RBFOX1: variants seen among roughly 807,000 people sequenced by gnomAD.
RBFOX1 encodes the protein RNA binding fox-1 homolog 1.
A neutral mutation model predicts 57.7 loss-of-function variants in RBFOX1; 8 were observed. The observed-to-expected ratio is 0.14, with a 90% CI of 0.08 to 0.25. The LOEUF (loss-of-function observed/expected upper bound fraction) is 0.25. RBFOX1 is among the 10% of genes least tolerant of loss of function. The probability of loss-of-function intolerance (pLI) is 1.00; values close to 1 mark genes in which losing one functional copy is unlikely to be tolerated. For missense variants in RBFOX1, 611 were observed against 548.5 expected (o/e 1.11, Z -1.14); for synonymous variants, 326 against 222.4 (o/e 1.47, Z -4.15).
At chr16:6,173,708 C>G (rs113927146) in intron 1 of RBFOX1, among the ~76,000 whole-genome samples, 5,332 of 141,010 alleles carry the variant, frequency 0.038, 136 homozygotes, top group Admixed American at 0.086. Flanking sequence ...CTCTCGGGTT[C>G]AAGTGATTCT....
At chr16:7,060,135 C>A (rs1447493688) in intron 4 of RBFOX1, among the ~76,000 whole-genome samples, 1 of 152,098 alleles carries the variant, frequency 6.6e-6, no homozygotes, top group African/African-American at 2.4e-5. Flanking sequence ...CTGAAAAAAG[C>A]CAGATTGTGA....
At chr16:7,510,452 G>C in intron 4 of RBFOX1, 2 of 684,526 alleles carry the variant, frequency 2.9e-6, no homozygotes, top group Non-Finnish European at 3.6e-6. Context: ...AAGGAGAGGA[G>C]TTTTGGTGAA....
At chr16:7,021,634 T>C (rs2039143170) in intron 3 of RBFOX1, among the ~76,000 whole-genome samples, 1 of 147,610 alleles carries the variant, frequency 6.8e-6, no homozygotes, top group Admixed American at 6.8e-5. Context: ...ATAAATTATA[T>C]AAAAATTTTA....
intron 3 of RBFOX1, among the ~76,000 whole-genome samples, chr16:7,015,670 T>C (rs536316384): frequency 2.8e-4 from 43 of 152,326 alleles, no homozygotes; most frequent in Admixed American, 1.0e-3. Flanking sequence ...ACAAGAAGTA[T>C]TTGAAATTTT....
At chr16:7,221,850 G>A (rs1603342284) in intron 4 of RBFOX1, among the ~76,000 whole-genome samples, 1 of 152,170 alleles carries the variant, frequency 6.6e-6, no homozygotes, top group African/African-American at 2.4e-5. Context: ...TTCCCTCCTT[G>A]GAGGAGTTCC....
intron 2 of RBFOX1, among the ~76,000 whole-genome samples, chr16:6,392,528 C>G (rs1390229104): frequency 6.6e-6 from 1 of 152,116 alleles, no homozygotes; most frequent in Non-Finnish European, 1.5e-5. Context: ...AAAGTTAAAG[C>G]TAAATGTCAT....
At chr16:7,532,132 C>CA (rs1239344569) in intron 5 of RBFOX1, among the ~76,000 whole-genome samples, 1 of 95,240 alleles carries the variant, frequency 1.0e-5, no homozygotes, top group East Asian at 2.4e-4. Context: ...AACTAGCTAC[C>CA]TTTTTTTTTT....
intron 4 of RBFOX1, among the ~76,000 whole-genome samples, chr16:7,508,644 A>G (rs917216280): frequency 5.3e-5 from 8 of 152,180 alleles, no homozygotes; most frequent in African/African-American, 1.4e-4. Context: ...CACAAATACT[A>G]TGTATCCAGA....
At chr16:6,133,885 C>A (rs926446717) in intron 1 of RBFOX1, among the ~76,000 whole-genome samples, 6 of 152,076 alleles carry the variant, frequency 3.9e-5, no homozygotes, top group African/African-American at 1.2e-4. Context: ...ACTGTTTAGA[C>A]CCCAGCTCAA....
At chr16:6,128,598 T>C (rs573858700) in intron 1 of RBFOX1, among the ~76,000 whole-genome samples, 1 of 152,326 alleles carries the variant, frequency 6.6e-6, no homozygotes, top group African/African-American at 2.4e-5. Flanking sequence ...AGTAGAGTTC[T>C]GGGATTCTGA....
chr16:5,405,434 G>C (rs576748372), intron 1 of RBFOX1, among the ~76,000 whole-genome samples: 4 of 152,192 alleles, frequency 2.6e-5, no homozygotes, highest in African/African-American at 4.8e-5. Context: ...TGCCATGTAA[G>C]ATGTGCCTTT....
chr16:7,012,781 A>G (rs1020102342), intron 3 of RBFOX1, among the ~76,000 whole-genome samples: 4 of 152,168 alleles, frequency 2.6e-5, no homozygotes, highest in African/African-American at 9.6e-5. Context: ...TCAAGTTTTG[A>G]CCCATTTTAA....
intron 3 of RBFOX1, among the ~76,000 whole-genome samples, chr16:6,891,465 T>TAGAGAGAG (rs746798605): frequency 1.1e-4 from 17 of 148,452 alleles, no homozygotes; most frequent in African/African-American, 4.2e-4. Context: ...ACACACACAC[T>TAGAGAGAG]AGAGAGAGAG....
chr16:5,483,551 C>T (rs1597248590), intron 2 of RBFOX1, among the ~76,000 whole-genome samples: 1 of 152,188 alleles, frequency 6.6e-6, no homozygotes, highest in African/African-American at 2.4e-5. Context: ...TCTATCCCAG[C>T]CACCGTAGCT....
rs189677784 is a variant in RBFOX1, at chr16:6,027,885, G to C, written c.-127+7893G>C. On this transcript the variant is annotated intron_variant, in intron 1 of 15. Transcript: ENST00000550418. ...CGGTTGAGATCGTTGACAGACTTGA[G>C]GCCCTGTGTGGAGTTCCGCCTGCAG... 1.4e-4 allele frequency among the ~76,000 whole-genome samples: 22 copies of C among 152,302 alleles called. No individual in the cohort carries two copies. In the East Asian group the frequency reaches 4.3e-3, roughly 29 times the overall value.
chr16:7,205,091 T>C (rs1318281982), intron 4 of RBFOX1, among the ~76,000 whole-genome samples: 2 of 152,138 alleles, frequency 1.3e-5, no homozygotes, highest in Admixed American at 6.5e-5. Context: ...AATATTTACT[T>C]CCCCTTTTAT....
intron 3 of RBFOX1, among the ~76,000 whole-genome samples, chr16:6,978,132 C>T (rs917126961): frequency 6.6e-6 from 1 of 151,838 alleles, no homozygotes; most frequent in Non-Finnish European, 1.5e-5. Flanking sequence ...AACACAACAG[C>T]CGGGCATGAT....
At chr16:7,579,737 G>A (rs777203719) in intron 5 of RBFOX1, 40 bp from the exon 6 acceptor site, 2 of 1,613,170 alleles carry the variant, frequency 1.2e-6, no homozygotes, top group East Asian at 2.2e-5. Flanking sequence ...GAGCACTGTG[G>A]TCCACTGAGA....
At position 5,348,235 on chromosome 16, in the gene RBFOX1, C is replaced by T. The variant is rs977295391; in HGVS notation, c.219+108130C>T. ...CCATGCATCCACTCATCTACCCACC[C>T]ATCTGTTGAATCCCATCCATCCTGT... is the stretch of plus-strand genomic sequence containing the variant. On this transcript the variant is annotated intron_variant, in intron 1 of 2. Coordinates refer to the RBFOX1 transcript ENST00000585867. 2.0e-5 allele frequency among the ~76,000 whole-genome samples: 3 copies of T among 152,136 alleles called. No homozygotes were observed. The South Asian group carries it at 6.2e-4, about 32-fold the overall frequency.
Sources: allele counts gnomAD v4.1 joint callset (sites outside exome capture counted in the v4.1 genomes callset), GRCh38; gene constraint gnomAD v4.1.1; transcripts MANE v1.5; gene names NCBI Gene and HGNC (gene_info 2026-07-23, HGNC 2026-07-21).